ATXN2: variants seen among roughly 807,000 people sequenced by gnomAD.
The protein encoded by ATXN2 is ataxin-2.
Under a neutral mutation model 138.6 loss-of-function variants are expected in ATXN2, and 37 were observed. The ratio of observed to expected loss-of-function variants is 0.27; its 90% CI spans 0.21 to 0.35. The LOEUF (loss-of-function observed/expected upper bound fraction) is 0.35. ATXN2 is among the 10% of genes least tolerant of loss of function. ATXN2 has a pLI of 1.00. For synonymous variants in ATXN2, 549 were observed against 543.7 expected, an observed-to-expected ratio of 1.01 and a Z score of -0.13; for missense variants, 1,216 against 1,480.3, an observed-to-expected ratio of 0.82 and a Z score of 2.93.
Position 111,453,543 on chromosome 12 carries a change from C to A in ATXN2, c.3439+134G>T, listed in dbSNP as rs1219396054. On this transcript the variant is annotated intron_variant, in intron 24 of 24. Coordinates refer to ENST00000673436, the MANE Select transcript of ATXN2 (RefSeq NM_001372574.1). This position sits in a 1 kb window ranked among gnomAD's most constrained non-coding sequence, Gnocchi z 5.4. The stretch of plus-strand genomic sequence containing the variant: ...TGCTGAACTGATCGTCACAGTCCCT[C>A]CTGTGCACACTCCTGGACGGGTCTT... 2.1e-6 allele frequency: 3 copies of A among 1,414,418 alleles called. No homozygotes were observed. The highest frequency in any genetic ancestry group is 2.8e-6 in the Non-Finnish European group (3 of 1,085,848). 87.6% of individuals were successfully genotyped at this position (1,414,418 alleles called of 1,614,324 possible). A position where few individuals can be genotyped will look rare whatever the true frequency, so the allele number is the denominator to read the frequency against.
intron 1 of ATXN2, among the ~76,000 whole-genome samples, chr12:111,575,444 G>A (rs185335169): frequency 7.9e-5 from 12 of 152,162 alleles, no homozygotes; most frequent in East Asian, 7.7e-4. Context: ...TCCCCATGAC[G>A]TGGGGAGGTT....
intron 5 of ATXN2, among the ~76,000 whole-genome samples, chr12:111,537,781 T>C (rs1025160495): frequency 2.0e-5 from 3 of 151,918 alleles, no homozygotes; most frequent in Admixed American, 6.6e-5. Flanking sequence ...GTAGTGATGG[T>C]TGCACAATGC....
intron 1 of ATXN2, among the ~76,000 whole-genome samples, chr12:111,556,163 CAAAT>C: frequency 1.3e-5 from 2 of 151,946 alleles, no homozygotes; most frequent in Middle Eastern, 6.8e-3. Flanking sequence ...TCATCAAAAT[CAAAT>C]AAATAAAGTA....
chr12:111,541,887 C>T (rs1352962064), intron 5 of ATXN2, among the ~76,000 whole-genome samples: 17 of 148,298 alleles, frequency 1.1e-4, no homozygotes, highest in African/African-American at 4.2e-4. Flanking sequence ...AGTAATTCTC[C>T]TGCCTCAGCT....
At chr12:111,473,759 T>C (rs1034569513) in intron 18 of ATXN2, among the ~76,000 whole-genome samples, 8 of 121,430 alleles carry the variant, frequency 6.6e-5, no homozygotes, top group Non-Finnish European at 1.1e-4. Flanking sequence ...CTGTGAAACA[T>C]TGGGGAAAAA....
chr12:111,452,661 G>GAA lies in ATXN2; in HGVS notation c.*149_*150dup. Reference sequence around the variant, plus strand: ...GGTCCAAGTATCTTCCACTGCAAGTGAACTGTTAGCATTCCTATTGGATGT... The same window carrying GAA: ...GGTCCAAGTATCTTCCACTGCAAGTGAAAACTGTTAGCATTCCTATTGGATGT... On this transcript the variant is annotated 3_prime_UTR_variant, in exon 25 of 25. Coordinates refer to ENST00000673436, the MANE Select transcript of ATXN2 (RefSeq NM_001372574.1). 3 of 901,562 alleles carry GAA rather than the reference G, an allele frequency of 3.3e-6. No individual in the cohort carries two copies. Among genetic ancestry groups the GAA allele is most frequent in the Non-Finnish European group, 5.3e-6 (3 of 566,666 alleles). The allele number at this position is 901,562 out of a possible 1,614,324, so 55.8% of individuals were successfully genotyped here. A position where few individuals can be genotyped will look rare whatever the true frequency, so the allele number is the denominator to read the frequency against.
rs759229661 is a variant in ATXN2, at chr12:111,470,721, C to T, written c.2546G>A (p.Arg849Gln). ...AGKVPNMPQQ[R>Q]QDQHHQSAMM... ...GGCACTCTGATGATGCTGGTCTTGC[C>T]GCTGTTGGGGCATATTTGGTACTGC... Residue 849 changes from arginine to glutamine, a missense_variant, in exon 19 of 25, where the codon CGG becomes CAG. Physicochemically the swap from Arg to Gln is conservative, Grantham distance 43. Transcript: ENST00000673436. 6.2e-6 allele frequency: 10 copies of T among 1,613,822 alleles called. No individual in the cohort carries two copies. The highest frequency in any genetic ancestry group is 2.2e-5 in the South Asian group (2 of 91,076).
intron 5 of ATXN2, among the ~76,000 whole-genome samples, chr12:111,528,487 T>C (rs929813446): frequency 6.6e-6 from 1 of 152,180 alleles, no homozygotes; most frequent in Admixed American, 6.5e-5. Context: ...AGAATTTAGG[T>C]TGTGTTAAGA....
At chr12:111,515,613 A>T (rs973649766) in intron 10 of ATXN2, among the ~76,000 whole-genome samples, 10 of 152,228 alleles carry the variant, frequency 6.6e-5, no homozygotes, top group African/African-American at 2.4e-4. Context: ...AGCTAACTTT[A>T]AAAAAATTAC....
chr12:111,475,555 TCTCAA>T, intron 18 of ATXN2, among the ~76,000 whole-genome samples: 1 of 143,828 alleles, frequency 7.0e-6, no homozygotes, highest in South Asian at 2.4e-4. Flanking sequence ...AGGTGCGCAA[TCTCAA>T]CTCAACTACA....
intron 10 of ATXN2, among the ~76,000 whole-genome samples, chr12:111,515,947 C>T (rs1879831925): frequency 6.6e-6 from 1 of 152,180 alleles, no homozygotes; most frequent in Admixed American, 6.5e-5. Context: ...TTTTTAACAA[C>T]AATTCAAGAG....
intron 14 of ATXN2, among the ~76,000 whole-genome samples, chr12:111,496,853 T>C (rs999437276): frequency 1.4e-5 from 2 of 145,024 alleles, no homozygotes; most frequent in African/African-American, 5.6e-5. Flanking sequence ...CTAAAATCAG[T>C]AGAAGAAATA....
At chr12:111,579,446 G>A (rs561311140) in intron 1 of ATXN2, among the ~76,000 whole-genome samples, 2 of 152,044 alleles carry the variant, frequency 1.3e-5, no homozygotes, top group South Asian at 2.1e-4. Flanking sequence ...ATTTTTAGTA[G>A]AGATGGGGTT....
chr12:111,516,025 ATAAAC>A lies in ATXN2; in HGVS notation c.1375+124_1375+128del. The A allele has an allele frequency of 2.2e-6, 2 of 893,584 alleles. No homozygotes were observed. The highest frequency in any genetic ancestry group is 3.2e-6 in the Non-Finnish European group (2 of 622,800). 55.4% of individuals were successfully genotyped at this position (893,584 alleles called of 1,614,324 possible). A position where few individuals can be genotyped will look rare whatever the true frequency, so the allele number is the denominator to read the frequency against. The stretch of plus-strand genomic sequence containing the variant: ...CAAAAGGTTAATAGAAATAGTTTTA[ATAAAC>A]TAAAGTTAAAACACAGAAATTATAG... On this transcript the variant is annotated intron_variant, in intron 10 of 24. Transcript: ENST00000673436. The surrounding 1 kb of genome is among the most constrained non-coding windows in gnomAD (Gnocchi z 5.0).
intron 2 of ATXN2, among the ~76,000 whole-genome samples, chr12:111,555,173 C>G (rs1489986922): frequency 1.3e-5 from 2 of 151,874 alleles, no homozygotes; most frequent in Non-Finnish European, 2.9e-5. Flanking sequence ...CACATTAATT[C>G]AAAATAAAAA....
chr12:111,546,040 AT>A lies in ATXN2; in HGVS notation c.571+6239del, dbSNP rs1390271560. Among the ~76,000 whole-genome samples, 10 of 152,048 alleles carry A rather than the reference AT, an allele frequency of 6.6e-5. No individual in the cohort carries two copies. In the South Asian group the frequency reaches 1.5e-3, roughly 22 times the overall value. ...GGAAGGTAGTGGTTAGTTGATGGAG[AT>A]CTTTTCCATTAACCAACCTTCCCCT... On this transcript the variant is annotated intron_variant, in intron 5 of 24. Transcript: ENST00000673436.
intron 5 of ATXN2, among the ~76,000 whole-genome samples, chr12:111,551,658 A>G (rs1222056937): frequency 6.6e-6 from 1 of 152,192 alleles, no homozygotes; most frequent in Non-Finnish European, 1.5e-5. Context: ...AAAGCATTGT[A>G]GGCCAAATGG....
intron 1 of ATXN2, among the ~76,000 whole-genome samples, chr12:111,572,387 G>A (rs1883376918): frequency 6.7e-6 from 1 of 149,764 alleles, no homozygotes; most frequent in Admixed American, 6.7e-5. Context: ...GGTGACAAGA[G>A]CAAAACTCCA....
At chr12:111,514,563 C>T (rs1490377694) in intron 10 of ATXN2, among the ~76,000 whole-genome samples, 10 of 152,174 alleles carry the variant, frequency 6.6e-5, no homozygotes, top group South Asian at 2.1e-4. Flanking sequence ...CTGTCTCTGT[C>T]GCCCAGGCTG....
Sources: gnomAD v4.1 joint callset for allele counts (sites outside exome capture counted in the v4.1 genomes callset) on GRCh38, gnomAD v4.1.1 for gene constraint, Gnocchi (gnomAD v3.1) non-coding constraint, MANE v1.5 for transcripts, NCBI Gene and HGNC (gene_info 2026-07-23, HGNC 2026-07-21) for gene names.